Variants in CORO2A observed in about 807,000 individuals in gnomAD.
The protein encoded by CORO2A is coronin-2A.
In CORO2A, 47 loss-of-function variants were observed where a neutral mutation model predicts 62.4. The ratio of observed to expected loss-of-function variants is 0.75; its 90% CI spans 0.60 to 0.96. The LOEUF is 0.96. Ranked by LOEUF, CORO2A falls within the 40% of genes least tolerant of loss-of-function variation. The pLI is 0.00. For synonymous variants in CORO2A, 273 were observed against 268.9 expected (o/e 1.02, Z -0.15); for missense variants, 610 against 684.1 (o/e 0.89, Z 1.21).
At chr9:98,164,510 T>C (rs571898201) in intron 1 of CORO2A, among the ~76,000 whole-genome samples, 1 of 152,332 alleles carries the variant, frequency 6.6e-6, no homozygotes, top group East Asian at 1.9e-4. Flanking sequence ...CCTAGGCCTC[T>C]GGGTAACCAT....
chr9:98,178,307 A>G (rs1828135096), intron 1 of CORO2A, among the ~76,000 whole-genome samples: 2 of 152,214 alleles, frequency 1.3e-5, no homozygotes, highest in African/African-American at 4.8e-5. Flanking sequence ...TTGGCCTCCC[A>G]AAGTACTGGG....
chr9:98,128,295 A>G, intron 9 of CORO2A, 35 bp from the exon 10 acceptor site: 2 of 1,554,342 alleles, frequency 1.3e-6, no homozygotes, highest in Non-Finnish European at 1.8e-6. Flanking sequence ...GGAGGGTGGT[A>G]GGGTAGGCTG....
intron 4 of CORO2A, 87 bp from the exon 5 acceptor site, chr9:98,133,304 A>G: frequency 7.4e-7 from 1 of 1,352,952 alleles, no homozygotes; most frequent in Non-Finnish European, 1.0e-6. Flanking sequence ...GCAGTGAAAC[A>G]CAGTATCCCT....
chr9:98,128,667 GA>G lies in CORO2A; in HGVS notation c.1019del (p.Phe340SerfsTer4). 1 of 1,614,226 alleles carries G rather than the reference GA, an allele frequency of 6.2e-7. No individual in the cohort carries two copies. Among genetic ancestry groups the G allele is most frequent in the Non-Finnish European group, 8.5e-7 (1 of 1,180,048 alleles). On this transcript the variant is annotated frameshift_variant, in exon 9 of 12. Transcript: ENST00000375077. LOFTEE classifies it high-confidence loss of function. Reference sequence around the variant, plus strand: ...GGCTTTTGGTTGTGATCAGCTTGTAGAAGCGGAAGATCTCGCAGGAGGACAC... The same window carrying G: ...GGCTTTTGGTTGTGATCAGCTTGTAGAGCGGAAGATCTCGCAGGAGGACAC... ...LDVSSCEIFRFYKLITTKSLI... is the reference protein window; with the variant it reads ...LDVSSCEIFRXYKLITTKSLI...
chr9:98,157,357 G>A, intron 2 of CORO2A, 103 bp downstream of exon 2: 2 of 1,042,642 alleles, frequency 1.9e-6, no homozygotes, highest in Non-Finnish European at 2.8e-6. Context: ...CACACAGCTA[G>A]TAATGGGCAG....
At chr9:98,170,770 C>T (rs1431036045) in intron 1 of CORO2A, among the ~76,000 whole-genome samples, 1 of 152,170 alleles carries the variant, frequency 6.6e-6, no homozygotes, top group African/African-American at 2.4e-5. Flanking sequence ...CACCAATTCG[C>T]TCCGTCACCT....
chr9:98,189,268 C>T (rs10985358), intron 1 of CORO2A, among the ~76,000 whole-genome samples: 28,940 of 152,092 alleles, frequency 0.19, 2,812 homozygotes, highest in African/African-American at 0.22. Flanking sequence ...TACTCCTGGC[C>T]CTTTAGACCA....
intron 1 of CORO2A, among the ~76,000 whole-genome samples, chr9:98,174,317 A>C (rs542510247): frequency 6.6e-6 from 1 of 152,274 alleles, no homozygotes; most frequent in South Asian, 2.1e-4. Flanking sequence ...GGAGATGTTC[A>C]TTCATATAAA....
chr9:98,190,050 A>G (rs1012273002), intron 1 of CORO2A, among the ~76,000 whole-genome samples: 1 of 152,098 alleles, frequency 6.6e-6, no homozygotes, highest in Non-Finnish European at 1.5e-5. Context: ...ACACCCAGCT[A>G]ATTTTTATAT....
At chr9:98,168,127 A>G (rs530456753) in intron 1 of CORO2A, among the ~76,000 whole-genome samples, 25 of 152,370 alleles carry the variant, frequency 1.6e-4, no homozygotes, top group African/African-American at 6.0e-4. Context: ...AAAATTAAAT[A>G]AAGTGTAAAA....
chr9:98,140,393 C>A (rs1827549342), intron 2 of CORO2A, among the ~76,000 whole-genome samples: 1 of 151,986 alleles, frequency 6.6e-6, no homozygotes, highest in African/African-American at 2.4e-5. Flanking sequence ...GAACACCCAA[C>A]CTTCTCTTCT....
intron 2 of CORO2A, among the ~76,000 whole-genome samples, chr9:98,138,233 G>A (rs888274185): frequency 1.3e-5 from 2 of 152,048 alleles, no homozygotes; most frequent in African/African-American, 4.8e-5. Context: ...TGGCCAACAT[G>A]GTGAAACCCT....
intron 4 of CORO2A, 22 bp downstream of exon 4, chr9:98,134,784 G>C (rs1827460855): frequency 3.2e-6 from 5 of 1,587,114 alleles, no homozygotes; most frequent in Non-Finnish European, 4.3e-6. Context: ...GGCTGCCCCA[G>C]AGAAAGAATA....
chr9:98,192,357 C>A (rs1828315096), intron 1 of CORO2A, among the ~76,000 whole-genome samples: 2 of 152,248 alleles, frequency 1.3e-5, no homozygotes. Flanking sequence ...AATGAGCAAG[C>A]TATCCTGACG....
intron 1 of CORO2A, among the ~76,000 whole-genome samples, chr9:98,166,807 G>A (rs748831616): frequency 1.3e-5 from 2 of 152,074 alleles, no homozygotes; most frequent in Non-Finnish European, 2.9e-5. Flanking sequence ...GTAAAATGTG[G>A]TATATTCAAA....
intron 1 of CORO2A, among the ~76,000 whole-genome samples, chr9:98,158,099 G>A (rs1588004971): frequency 6.6e-6 from 1 of 152,324 alleles, no homozygotes; most frequent in East Asian, 1.9e-4. Context: ...TGGATGGCAA[G>A]TGACTTAACC....
At chr9:98,157,002 A>T (rs1273326969) in intron 2 of CORO2A, among the ~76,000 whole-genome samples, 1 of 152,126 alleles carries the variant, frequency 6.6e-6, no homozygotes, top group Non-Finnish European at 1.5e-5. Context: ...CCACAATTTT[A>T]TATGGTCCAA....
intron 2 of CORO2A, among the ~76,000 whole-genome samples, chr9:98,148,180 A>G (rs1487703100): frequency 6.6e-6 from 1 of 151,814 alleles, no homozygotes; most frequent in Non-Finnish European, 1.5e-5. Context: ...AGATTAACTG[A>G]GGTCAGGAGT....
Position 98,192,622 on chromosome 9 carries a change from C to A in CORO2A, c.-64G>T, listed in dbSNP as rs1806082106. On this transcript the variant is annotated 5_prime_UTR_variant, in exon 1 of 12. Transcript: ENST00000375077. ...CGTCCAGCTCCGGCTCCGCGCTCCTCGCCGCCCGCCGACTCCCGGCGCCCA... is the reference window on the plus strand; with the variant it reads ...CGTCCAGCTCCGGCTCCGCGCTCCTAGCCGCCCGCCGACTCCCGGCGCCCA... 6.7e-6 allele frequency: 1 copy of A among 150,210 alleles called. No homozygotes were observed. Among genetic ancestry groups the A allele is most frequent in the African/African-American group, 2.4e-5 (1 of 41,330 alleles). The allele number at this position is 150,210 out of a possible 1,614,324, so 9.3% of individuals were successfully genotyped here.
Sources: allele counts gnomAD v4.1 joint callset (sites outside exome capture counted in the v4.1 genomes callset), GRCh38; gene constraint gnomAD v4.1.1; transcripts MANE v1.5; gene names NCBI Gene and HGNC (gene_info 2026-07-23, HGNC 2026-07-21).